TMCO5A: variants seen among roughly 807,000 people sequenced by gnomAD.
The protein encoded by TMCO5A is transmembrane and coiled-coil domain-containing protein 5A.
Under a neutral mutation model 42.3 loss-of-function variants are expected in TMCO5A, and 34 were observed. The observed-to-expected ratio is 0.80, with a 90% CI of 0.61 to 1.07. The LOEUF (loss-of-function observed/expected upper bound fraction) is 1.07, where lower values mean the gene tolerates loss of function less well. Ranked by LOEUF, TMCO5A falls within the 50% of genes least tolerant of loss-of-function variation. The probability of loss-of-function intolerance (pLI) is 0.00; values close to 1 mark genes in which losing one functional copy is unlikely to be tolerated. For missense variants in TMCO5A, 357 were observed against 327.9 expected (o/e 1.09, Z -0.69); for synonymous variants, 131 against 115.6 (o/e 1.13, Z -0.86).
In TMCO5A at chr15:37,957,327, T is replaced by C. The variant is rs554899479; in HGVS notation, c.669-9298T>C. Reference sequence around the variant, plus strand: ...TCTGTGTTTGCACATGACATGATTGTATATTTAGAAAACCCCATTGTCTCA... The same window carrying C: ...TCTGTGTTTGCACATGACATGATTGCATATTTAGAAAACCCCATTGTCTCA... On this transcript the variant is annotated intron_variant, in intron 11 of 11. Coordinates refer to the TMCO5A transcript ENST00000559502. Among the ~76,000 whole-genome samples, 304 of 152,332 alleles carry C rather than the reference T, an allele frequency of 2.0e-3. 2 individuals carry two copies. Among genetic ancestry groups the C allele is most frequent in the African/African-American group, 6.7e-3 (279 of 41,566 alleles).
the TMCO5A span, among the ~76,000 whole-genome samples, chr15:37,997,544 T>A: frequency 6.6e-6 from 1 of 152,234 alleles, no homozygotes; most frequent in South Asian, 2.1e-4. Flanking sequence ...CAGGATCTTG[T>A]TCTTTTTTAT....
At chr15:37,951,735 C>T (rs1890163762), downstream of TMCO5A, among the ~76,000 whole-genome samples, 1 of 152,050 alleles carries the variant, frequency 6.6e-6, no homozygotes, top group South Asian at 2.1e-4. Context: ...CACCAATTAT[C>T]CCCCTTCAAG....
intron 11 of TMCO5A, among the ~76,000 whole-genome samples, chr15:37,958,248 T>C (rs117707248): frequency 0.016 from 2,439 of 152,052 alleles, 75 homozygotes; most frequent in African/African-American, 0.055. Context: ...ATGGGATATA[T>C]TTAAACTAAA....
chr15:38,003,486 T>C, the TMCO5A span, among the ~76,000 whole-genome samples: 1 of 152,154 alleles, frequency 6.6e-6, no homozygotes, highest in African/African-American at 2.4e-5. Context: ...TGCAGTGAGT[T>C]ATCCTTGGCC....
At chr15:37,964,465 T>G (rs1261463570) in intron 11 of TMCO5A, among the ~76,000 whole-genome samples, 2 of 145,878 alleles carry the variant, frequency 1.4e-5, no homozygotes, top group African/African-American at 5.5e-5. Context: ...AGAATTGCTG[T>G]TTTTTTTTCT....
At chr15:37,967,732 C>G (rs780727993), downstream of TMCO5A, 20 of 152,220 alleles carry the variant, frequency 1.3e-4, no homozygotes, top group African/African-American at 4.8e-4. Context: ...ATTAAAAAAA[C>G]TGGATATATT....
rs189353083 is a variant in TMCO5A at position 37,966,779 on chromosome 15, T to C, written c.*136T>C. 8.2e-3 allele frequency: 5,670 copies of C among 689,168 alleles called. 35 individuals carry two copies. Among genetic ancestry groups the C allele is most frequent in the Admixed American group, 0.01 (489 of 48,872 alleles). 42.7% of individuals were successfully genotyped at this position (689,168 alleles called of 1,614,324 possible). ...ACTGGCCTATCTGAGGTCAATTGCC[T>C]ACCCTGTCCCACAGTCAATGTGGCC... On this transcript the variant is annotated 3_prime_UTR_variant, in exon 12 of 12. Transcript: ENST00000559502.
chr15:37,998,853 T>A, the TMCO5A span, among the ~76,000 whole-genome samples: 1 of 152,178 alleles, frequency 6.6e-6, no homozygotes, highest in Non-Finnish European at 1.5e-5. Flanking sequence ...TCCATTTTGT[T>A]GTGTCCTCTT....
the TMCO5A span, among the ~76,000 whole-genome samples, chr15:38,017,311 C>T: frequency 5.3e-5 from 8 of 152,146 alleles, no homozygotes; most frequent in African/African-American, 1.9e-4. Flanking sequence ...AGTTTGGTTT[C>T]CTAACGGAGT....
the TMCO5A span, among the ~76,000 whole-genome samples, chr15:37,990,479 A>C: frequency 6.6e-6 from 1 of 152,012 alleles, no homozygotes; most frequent in South Asian, 2.1e-4. Context: ...CCATCATTTT[A>C]CTGTTAACCT....
the TMCO5A span, chr15:38,040,391 C>T: frequency 6.6e-6 from 1 of 152,148 alleles, no homozygotes; most frequent in Admixed American, 6.5e-5. Flanking sequence ...AATCACAGTC[C>T]CATTCTTCTG....
chr15:37,941,741 T>C lies in TMCO5A; in HGVS notation c.504+11T>C, dbSNP rs1192698292. 2 of 1,605,992 alleles carry C rather than the reference T, an allele frequency of 1.2e-6. No homozygotes were observed. Among genetic ancestry groups the C allele is most frequent in the Non-Finnish European group, 1.7e-6 (2 of 1,173,162 alleles). The stretch of plus-strand genomic sequence containing the variant: ...GCCCTCTACATAAAGGTAGAGCTTC[T>C]TGGTAAAGGGATAGCAAAGGGTTTA... On this transcript the variant is annotated intron_variant, in intron 8 of 11. Transcript: ENST00000319669.
chr15:38,027,709 C>T, the TMCO5A span, among the ~76,000 whole-genome samples: 1 of 152,104 alleles, frequency 6.6e-6, no homozygotes, highest in African/African-American at 2.4e-5. Context: ...TAATAATCCC[C>T]ATGGTCAAGG....
chr15:37,992,620 G>C, the TMCO5A span, among the ~76,000 whole-genome samples: 2 of 152,120 alleles, frequency 1.3e-5, no homozygotes. Context: ...TGGTAGATTA[G>C]ATTTTAAAGA....
At chr15:37,992,215 G>C in the TMCO5A span, among the ~76,000 whole-genome samples, 1 of 152,072 alleles carries the variant, frequency 6.6e-6, no homozygotes, top group Non-Finnish European at 1.5e-5. Flanking sequence ...TTTTAAAGAA[G>C]ACATACATGC....
the TMCO5A span, among the ~76,000 whole-genome samples, chr15:37,982,790 CAT>C: frequency 6.9e-6 from 1 of 144,758 alleles, no homozygotes. Context: ...ATATAACAGA[CAT>C]ATATAATAGA....
At chr15:38,031,863 T>G in the TMCO5A span, among the ~76,000 whole-genome samples, 1 of 152,134 alleles carries the variant, frequency 6.6e-6, no homozygotes, top group Non-Finnish European at 1.5e-5. Context: ...CTGCCCCTTG[T>G]GAGGCTTTTC....
Position 37,951,261 on chromosome 15 carries a change from A to G in TMCO5A, c.*27A>G, listed in dbSNP as rs1890149277. On this transcript the variant is annotated 3_prime_UTR_variant, in exon 12 of 12. Transcript: ENST00000319669. ...TCCCTAAGAAATATCCTTGAGCAAT[A>G]GAAGGGAAGTGGGATCCGAGCCTGT... 1 of 1,606,440 alleles carries G rather than the reference A, an allele frequency of 6.2e-7. No individual in the cohort carries two copies. Among genetic ancestry groups the G allele is most frequent in the African/African-American group, 1.3e-5 (1 of 74,784 alleles).
the TMCO5A span, among the ~76,000 whole-genome samples, chr15:37,979,957 C>G: frequency 6.6e-6 from 1 of 151,852 alleles, no homozygotes; most frequent in African/African-American, 2.4e-5. Context: ...GAAAAACATT[C>G]TGGCCACTTT....
Sources: gnomAD v4.1 joint callset for allele counts (sites outside exome capture counted in the v4.1 genomes callset) on GRCh38, gnomAD v4.1.1 for gene constraint, MANE v1.5 for transcripts, NCBI Gene and HGNC (gene_info 2026-07-23, HGNC 2026-07-21) for gene names.